DOK5: variants seen among roughly 807,000 people sequenced by gnomAD.
DOK5 encodes docking protein 5.
DOK5 carries 27 observed loss-of-function variants against 43.3 expected under a neutral mutation model. The ratio of observed to expected loss-of-function variants is 0.62; its 90% CI spans 0.46 to 0.86. The LOEUF (loss-of-function observed/expected upper bound fraction) is 0.86. Among genes scored for constraint, DOK5 ranks in the 40% least tolerant of loss-of-function variants. DOK5 has a pLI of 0.00. For synonymous variants in DOK5, 146 were observed against 140.1 expected (o/e 1.04, Z -0.30); for missense variants, 373 against 392.9 (o/e 0.95, Z 0.43).
intron 6 of DOK5, among the ~76,000 whole-genome samples, chr20:54,637,832 C>A (rs1391333947): frequency 6.6e-6 from 1 of 152,200 alleles, no homozygotes; most frequent in Non-Finnish European, 1.5e-5. Flanking sequence ...AAAAGATAAT[C>A]CCTACTTTGG....
Position 54,475,633 on chromosome 20 carries a change from ATCCCTCAGCCGCCGCCGCTCCTCC to A in DOK5, c.-310_-287del, listed in dbSNP as rs561586685. 1.1e-3 allele frequency: 507 copies of A among 465,906 alleles called. 5 individuals are homozygous for A. In the East Asian group the frequency reaches 0.019, roughly 17 times the overall value. 28.9% of individuals were successfully genotyped at this position (465,906 alleles called of 1,614,324 possible). Reference sequence around the variant, plus strand: ...CTCGGCCGGGAGGAGGCAGGGCTGGATCCCTCAGCCGCCGCCGCTCCTCCTCCTGGCAGGCCGGCCGCGGAGTCA... The same window carrying A: ...CTCGGCCGGGAGGAGGCAGGGCTGGATCCTGGCAGGCCGGCCGCGGAGTCA... On this transcript the variant is annotated 5_prime_UTR_variant, in exon 1 of 8. Transcript: ENST00000262593. This position sits in a 1 kb window ranked among gnomAD's most constrained non-coding sequence, Gnocchi z 4.2.
chr20:54,584,046 A>G (rs552448616), intron 2 of DOK5, among the ~76,000 whole-genome samples: 116 of 152,194 alleles, frequency 7.6e-4, no homozygotes, highest in African/African-American at 2.8e-3. Context: ...GCTGCTCAGA[A>G]GGCTGAGGCA....
At chr20:54,506,699 G>A (rs995301311) in intron 1 of DOK5, among the ~76,000 whole-genome samples, 3 of 152,176 alleles carry the variant, frequency 2.0e-5, no homozygotes, top group African/African-American at 7.2e-5. Flanking sequence ...GGGCTCAAGT[G>A]ATCCTCCCTC....
intron 6 of DOK5, among the ~76,000 whole-genome samples, chr20:54,630,780 T>C (rs1381951641): frequency 6.6e-6 from 1 of 152,236 alleles, no homozygotes; most frequent in Non-Finnish European, 1.5e-5. Context: ...TGCCAACTCA[T>C]CTACTTTTTT....
chr20:54,643,385 C>A, intron 6 of DOK5, 73 bp from the exon 7 acceptor site: 1 of 1,580,890 alleles, frequency 6.3e-7, no homozygotes, highest in Non-Finnish European at 8.6e-7. Flanking sequence ...ACTCCATGCT[C>A]TCCTGTTTCC....
intron 6 of DOK5, among the ~76,000 whole-genome samples, chr20:54,630,554 G>A (rs1978517186): frequency 6.6e-6 from 1 of 152,132 alleles, no homozygotes; most frequent in South Asian, 2.1e-4. Flanking sequence ...TTTCCAACTG[G>A]GAATTGTCAG....
intron 1 of DOK5, among the ~76,000 whole-genome samples, chr20:54,539,213 C>T (rs1984057023): frequency 6.8e-6 from 1 of 147,614 alleles, no homozygotes; most frequent in African/African-American, 2.5e-5. Context: ...TTGCTTAAAC[C>T]CGGGAGGCAG....
intron 1 of DOK5, among the ~76,000 whole-genome samples, chr20:54,510,962 C>T (rs1442804901): frequency 1.3e-5 from 2 of 152,008 alleles, no homozygotes; most frequent in East Asian, 3.9e-4. Context: ...CATCTGAGGA[C>T]AGTCAAACCC....
chr20:54,520,544 G>A (rs1272537225), intron 1 of DOK5, among the ~76,000 whole-genome samples: 1 of 152,072 alleles, frequency 6.6e-6, no homozygotes, highest in African/African-American at 2.4e-5. Flanking sequence ...TTTGGGAGGT[G>A]AAGGCAGGAG....
intron 1 of DOK5, among the ~76,000 whole-genome samples, chr20:54,537,647 C>T (rs1984003120): frequency 6.6e-6 from 1 of 151,972 alleles, no homozygotes; most frequent in South Asian, 2.1e-4. Flanking sequence ...AAAAAATAGA[C>T]TGGAAAAATA....
intron 6 of DOK5, among the ~76,000 whole-genome samples, chr20:54,616,424 G>A (rs186853476): frequency 6.6e-6 from 1 of 152,180 alleles, no homozygotes; most frequent in Non-Finnish European, 1.5e-5. Context: ...TTCTTGAAAA[G>A]TGCAAAGCTC....
chr20:54,546,089 C>G (rs1490787295), intron 1 of DOK5, among the ~76,000 whole-genome samples: 7 of 152,138 alleles, frequency 4.6e-5, no homozygotes, highest in Admixed American at 4.6e-4. Context: ...AGTTAGAATC[C>G]TGGCATATTT....
chr20:54,561,085 G>C (rs1244652813), intron 2 of DOK5, among the ~76,000 whole-genome samples: 1 of 152,180 alleles, frequency 6.6e-6, no homozygotes, highest in African/African-American at 2.4e-5. Flanking sequence ...CCGCTGTATA[G>C]ACCCCTTTTC....
rs561106600 is a variant in DOK5 at position 54,588,447 on chromosome 20, A to G, written c.175-36A>G. The G allele has an allele frequency of 2.6e-6, 4 of 1,565,510 alleles. No individual in the cohort carries two copies. In the South Asian group the frequency reaches 3.3e-5, roughly 13 times the overall value. ...TGTTGTATACTGGAGACATTCATTC[A>G]GGGAGTGTGTCAAACTTCTAATTGT... On this transcript the variant is annotated intron_variant, in intron 2 of 7. Transcript: ENST00000262593.
At chr20:54,646,938 C>T (rs1979459437) in intron 7 of DOK5, among the ~76,000 whole-genome samples, 1 of 147,108 alleles carries the variant, frequency 6.8e-6, no homozygotes, top group Non-Finnish European at 1.5e-5. Flanking sequence ...GGTTGGAAAT[C>T]ATACAGACCC....
chr20:54,499,646 C>T (rs1316537762), intron 1 of DOK5, among the ~76,000 whole-genome samples: 1 of 152,238 alleles, frequency 6.6e-6, no homozygotes, highest in Non-Finnish European at 1.5e-5. Context: ...AAAAACATCT[C>T]TGTGTACATT....
chr20:54,635,229 A>G (rs964236359), intron 6 of DOK5, among the ~76,000 whole-genome samples: 4 of 152,178 alleles, frequency 2.6e-5, no homozygotes, highest in Non-Finnish European at 5.9e-5. Context: ...TAAGTATTTT[A>G]CTCCAAAATA....
intron 2 of DOK5, among the ~76,000 whole-genome samples, chr20:54,576,623 T>C (rs1985460907): frequency 6.6e-6 from 1 of 152,232 alleles, no homozygotes; most frequent in Non-Finnish European, 1.5e-5. Flanking sequence ...TCTTGAGATT[T>C]CTGTTCTTTA....
intron 1 of DOK5, among the ~76,000 whole-genome samples, chr20:54,482,410 G>A (rs1007104378): frequency 3.9e-5 from 6 of 152,210 alleles, no homozygotes; most frequent in African/African-American, 1.4e-4. Context: ...AGATTTAGAT[G>A]TTCAGGAATC....
Sources: allele counts gnomAD v4.1 joint callset (sites outside exome capture counted in the v4.1 genomes callset), GRCh38; gene constraint gnomAD v4.1.1; non-coding constraint Gnocchi (gnomAD v3.1); transcripts MANE v1.5; gene names NCBI Gene and HGNC (gene_info 2026-07-23, HGNC 2026-07-21).